The following KHDRBS3 variants were observed in gnomAD, a reference collection of about 807,000 sequenced individuals.
The protein encoded by KHDRBS3 is KH domain-containing, RNA-binding, signal transduction-associated protein 3.
Under a neutral mutation model 45.6 loss-of-function variants are expected in KHDRBS3, and 23 were observed. The observed-to-expected ratio is 0.50, with a 90% CI of 0.36 to 0.72. KHDRBS3 has a LOEUF of 0.72. Among genes scored for constraint, KHDRBS3 ranks in the 30% least tolerant of loss-of-function variants. The probability of loss-of-function intolerance (pLI) is 0.00; values close to 1 mark genes in which losing one functional copy is unlikely to be tolerated. For missense variants in KHDRBS3, 352 were observed against 424.8 expected (o/e 0.83, Z 1.51); for synonymous variants, 162 against 156.5 (o/e 1.04, Z -0.26).
Position 135,457,484 on chromosome 8 carries a change from A to C in KHDRBS3, c.-383A>C, listed in dbSNP as rs1586532011. 6 of 147,032 alleles carry C rather than the reference A, an allele frequency of 4.1e-5. No homozygotes were observed. In the South Asian group the frequency reaches 1.2e-3, roughly 28 times the overall value. 9.1% of individuals were successfully genotyped at this position (147,032 alleles called of 1,614,324 possible). On this transcript the variant is annotated 5_prime_UTR_variant, in exon 1 of 9. Transcript: ENST00000355849. This position sits in a 1 kb window ranked among gnomAD's most constrained non-coding sequence, Gnocchi z 4.4. ...GTGCGCGGGGCGGCGCGCGGCGTGC[A>C]GGTCGCAGCTGTGGCTCGGGTGCTG...
intron 6 of KHDRBS3, among the ~76,000 whole-genome samples, chr8:135,595,408 G>T (rs1301132639): frequency 6.6e-6 from 1 of 152,146 alleles, no homozygotes; most frequent in Admixed American, 6.5e-5. Flanking sequence ...TGACCAATTT[G>T]TGAATTAAGA....
At chr8:135,615,617 G>A (rs779088146) in intron 7 of KHDRBS3, among the ~76,000 whole-genome samples, 2 of 152,124 alleles carry the variant, frequency 1.3e-5, no homozygotes, top group Non-Finnish European at 2.9e-5. Context: ...TTAAAAAATT[G>A]TAATGATTAG....
At chr8:135,482,096 C>T (rs980587835) in intron 1 of KHDRBS3, among the ~76,000 whole-genome samples, 22 of 152,258 alleles carry the variant, frequency 1.4e-4, no homozygotes, top group African/African-American at 4.8e-4. Context: ...AGGCACACTG[C>T]CAGAATAAAT....
At chr8:135,521,142 A>G (rs1586655140) in intron 1 of KHDRBS3, 95 bp from the exon 2 acceptor site, 4 of 715,788 alleles carry the variant, frequency 5.6e-6, no homozygotes, top group African/African-American at 1.8e-5. Context: ...ATACTTCAGT[A>G]GTAGTTGATT....
chr8:135,572,313 T>C (rs1586740071), intron 5 of KHDRBS3, among the ~76,000 whole-genome samples: 1 of 152,230 alleles, frequency 6.6e-6, no homozygotes, highest in African/African-American at 2.4e-5. Context: ...AATAACTCTC[T>C]TGCACTTAAG....
At chr8:135,654,941 C>T (rs1020838531) in intron 4 of KHDRBS3, among the ~76,000 whole-genome samples, 1 of 152,196 alleles carries the variant, frequency 6.6e-6, no homozygotes, top group African/African-American at 2.4e-5. Flanking sequence ...CTCTTCTCTC[C>T]GCATGAGAAT....
chr8:135,617,989 C>T (rs528547022), intron 7 of KHDRBS3, among the ~76,000 whole-genome samples: 64 of 152,124 alleles, frequency 4.2e-4, no homozygotes, highest in Non-Finnish European at 7.4e-4. Flanking sequence ...AATGTCGGTG[C>T]CTGAATTCCC....
chr8:135,595,820 C>T (rs1355248046), intron 6 of KHDRBS3, among the ~76,000 whole-genome samples: 1 of 152,190 alleles, frequency 6.6e-6, no homozygotes, highest in Non-Finnish European at 1.5e-5. Context: ...GCACTGGGAA[C>T]ACAGTGGTCG....
At chr8:135,618,714 G>A (rs980661645) in intron 7 of KHDRBS3, among the ~76,000 whole-genome samples, 1 of 152,174 alleles carries the variant, frequency 6.6e-6, no homozygotes, top group African/African-American at 2.4e-5. Context: ...ACAAGATAGA[G>A]TGAAAATATT....
intron 1 of KHDRBS3, among the ~76,000 whole-genome samples, chr8:135,517,270 G>T (rs1303495906): frequency 6.6e-6 from 1 of 152,074 alleles, no homozygotes; most frequent in Admixed American, 6.5e-5. Context: ...TGTAATCTGG[G>T]GATTAGTGAA....
chr8:135,556,913 A>G (rs549006944), intron 4 of KHDRBS3, among the ~76,000 whole-genome samples: 1 of 152,224 alleles, frequency 6.6e-6, no homozygotes, highest in Non-Finnish European at 1.5e-5. Context: ...AAAATGTTGA[A>G]TTTCACAACT....
intron 6 of KHDRBS3, chr8:135,593,450 G>T (rs1828837166): frequency 6.6e-6 from 1 of 151,996 alleles, no homozygotes; most frequent in African/African-American, 2.4e-5. Context: ...TTAGTGGTAG[G>T]TAGGAGCTAT....
At chr8:135,646,224 A>G (rs962218306) in intron 8 of KHDRBS3, among the ~76,000 whole-genome samples, 2 of 152,098 alleles carry the variant, frequency 1.3e-5, no homozygotes, top group African/African-American at 2.4e-5. Flanking sequence ...ATGTTGCAGC[A>G]GGGATGTTAA....
intron 6 of KHDRBS3, among the ~76,000 whole-genome samples, chr8:135,594,849 G>T (rs527530349): frequency 1.4e-3 from 206 of 152,288 alleles, no homozygotes; most frequent in South Asian, 4.8e-3. Flanking sequence ...TGTCTGTTAT[G>T]AGCACAGGCC....
chr8:135,532,444 A>G (rs963155252), intron 2 of KHDRBS3, among the ~76,000 whole-genome samples: 16 of 152,200 alleles, frequency 1.1e-4, no homozygotes, highest in African/African-American at 2.4e-5. Flanking sequence ...CCAGTAAAGT[A>G]CAGAAAGCAA....
intron 3 of KHDRBS3, among the ~76,000 whole-genome samples, chr8:135,544,660 C>T (rs1826201806): frequency 6.6e-6 from 1 of 152,190 alleles, no homozygotes; most frequent in Admixed American, 6.5e-5. Flanking sequence ...GCAATGAGTC[C>T]TCTTGACTAC....
chr8:135,568,464 T>C (rs1055290784), intron 5 of KHDRBS3, among the ~76,000 whole-genome samples: 6 of 152,110 alleles, frequency 3.9e-5, no homozygotes, highest in Admixed American at 3.9e-4. Context: ...AATTATTAAA[T>C]TACTAAATGT....
chr8:135,523,444 A>G (rs1825019802), intron 2 of KHDRBS3, among the ~76,000 whole-genome samples: 1 of 152,078 alleles, frequency 6.6e-6, no homozygotes, highest in Non-Finnish European at 1.5e-5. Context: ...AAAATTTTGT[A>G]TGTTAACCAT....
At chr8:135,542,923 A>G (rs1366741868) in intron 3 of KHDRBS3, among the ~76,000 whole-genome samples, 153 bp downstream of exon 3, 2 of 152,208 alleles carry the variant, frequency 1.3e-5, no homozygotes, top group African/African-American at 4.8e-5. Flanking sequence ...CAGAATATGT[A>G]GTAACTTAAA....
Sources: gnomAD v4.1 joint callset for allele counts (sites outside exome capture counted in the v4.1 genomes callset) on GRCh38, gnomAD v4.1.1 for gene constraint, Gnocchi (gnomAD v3.1) non-coding constraint, MANE v1.5 for transcripts, NCBI Gene and HGNC (gene_info 2026-07-23, HGNC 2026-07-21) for gene names.